PHACTR2: variants seen among roughly 807,000 people sequenced by gnomAD.
The protein encoded by PHACTR2 is chromosome 6 open reading frame 56.
In PHACTR2, 30 loss-of-function variants were observed where a neutral mutation model predicts 76.0. The ratio of observed to expected loss-of-function variants is 0.39; its 90% CI spans 0.30 to 0.54. PHACTR2 has a LOEUF of 0.54. Among genes scored for constraint, PHACTR2 ranks in the 20% least tolerant of loss-of-function variants. The probability of loss-of-function intolerance (pLI) is 0.61; values close to 1 mark genes in which losing one functional copy is unlikely to be tolerated. For synonymous variants in PHACTR2, 292 were observed against 292.5 expected, an observed-to-expected ratio of 1.00 and a Z score of 0.02; for missense variants, 696 against 781.1, an observed-to-expected ratio of 0.89 and a Z score of 1.30.
chr6:143,606,568 A>G (rs951538586), upstream of PHACTR2, among the ~76,000 whole-genome samples: 1 of 151,976 alleles, frequency 6.6e-6, no homozygotes, highest in Non-Finnish European at 1.5e-5. Context: ...CTTCTTAGCT[A>G]CTCCTTACCC....
chr6:143,692,401 T>C (rs1442316839), intron 1 of PHACTR2, among the ~76,000 whole-genome samples: 7 of 152,190 alleles, frequency 4.6e-5, no homozygotes, highest in Admixed American at 3.9e-4. Flanking sequence ...ATGCCGTGGG[T>C]TCCTGTTGGC....
In PHACTR2 at chr6:143,751,264, G is replaced by A. The variant is rs17521563; in HGVS notation, c.295+2199G>A. Among the ~76,000 whole-genome samples, 22,691 of 151,936 alleles carry A rather than the reference G, an allele frequency of 0.15. 1,770 individuals carry two copies. Among genetic ancestry groups the A allele is most frequent in the Middle Eastern group, 0.2 (60 of 294 alleles). Reference sequence around the variant, plus strand: ...ATCCCACCATATCCCATACTCTCCCGGCTATTGTTATTTTTCCTTTTAGGT... The same window carrying A: ...ATCCCACCATATCCCATACTCTCCCAGCTATTGTTATTTTTCCTTTTAGGT... On this transcript the variant is annotated intron_variant, in intron 3 of 12. Transcript: ENST00000440869. The surrounding 1 kb of genome is among the most constrained non-coding windows in gnomAD (Gnocchi z 5.7).
intron 2 of PHACTR2, among the ~76,000 whole-genome samples, chr6:143,717,734 G>A (rs774066771): frequency 9.9e-5 from 15 of 151,806 alleles, no homozygotes; most frequent in Non-Finnish European, 1.9e-4. Context: ...CACCACACTC[G>A]GCTAATTTTT....
rs968428618 is a variant in PHACTR2 at position 143,678,965 on chromosome 6, G to T, written c.46+756G>T. On this transcript the variant is annotated intron_variant, in intron 1 of 12. Transcript: ENST00000440869. The surrounding 1 kb of genome is among the most constrained non-coding windows in gnomAD (Gnocchi z 6.2). ...ATAAAAAAAAAAAAAACTGTTTGGT[G>T]GTGTTACTTGTGATTGGATAAGGAA... is the stretch of plus-strand genomic sequence containing the variant. Among the ~76,000 whole-genome samples, 4 of 151,592 alleles carry T rather than the reference G, an allele frequency of 2.6e-5. No individual in the cohort carries two copies. Among genetic ancestry groups the T allele is most frequent in the Admixed American group, 2.6e-4 (4 of 15,220 alleles).
chr6:143,762,745 T>C (rs1269297670), intron 5 of PHACTR2, among the ~76,000 whole-genome samples: 1 of 152,230 alleles, frequency 6.6e-6, no homozygotes, highest in Admixed American at 6.5e-5. Context: ...AGTGTAGACC[T>C]GTAGCTACCT....
rs913972411 is a variant in PHACTR2 at position 143,553,080 on chromosome 6, A to G, written c.217+15873A>G. On this transcript the variant is annotated intron_variant, in intron 1 of 11. Transcript: ENST00000367584. This position sits in a 1 kb window ranked among gnomAD's most constrained non-coding sequence, Gnocchi z 4.2. ...TTAAACATGCTTATCCCAGCCCAGA[A>G]GTGTGGCTGAGGGGCTAAAACCCAT... 2.0e-5 allele frequency among the ~76,000 whole-genome samples: 3 copies of G among 152,274 alleles called. No homozygotes were observed. The highest frequency in any genetic ancestry group is 2.9e-5 in the Non-Finnish European group (2 of 68,012).
intron 2 of PHACTR2, among the ~76,000 whole-genome samples, chr6:143,715,676 A>G (rs957600067): frequency 2.0e-5 from 3 of 152,168 alleles, no homozygotes; most frequent in Non-Finnish European, 4.4e-5. Flanking sequence ...ACAGGGAGTG[A>G]AGGAAGAGGG....
chr6:143,740,330 T>G (rs1282944252), intron 2 of PHACTR2, among the ~76,000 whole-genome samples: 1 of 151,962 alleles, frequency 6.6e-6, no homozygotes, highest in African/African-American at 2.4e-5. Flanking sequence ...AAGACCTGTA[T>G]CTTGTGTTGA....
Position 143,688,050 on chromosome 6 carries a change from G to A in PHACTR2, c.46+9841G>A, listed in dbSNP as rs1777560686. Among the ~76,000 whole-genome samples, 1 of 152,132 alleles carries A rather than the reference G, an allele frequency of 6.6e-6. No homozygotes were observed. The highest frequency in any genetic ancestry group is 1.5e-5 in the Non-Finnish European group (1 of 68,042). On this transcript the variant is annotated intron_variant, in intron 1 of 12. Transcript: ENST00000440869. The surrounding 1 kb of genome is among the most constrained non-coding windows in gnomAD (Gnocchi z 5.2). ...TGCAGAAATGAGAGTGGAAGGGAAG[G>A]GATATGTAGAGAATTGTAGGACTAG...
At chr6:143,666,156 C>T (rs1777030954) in intron 1 of PHACTR2, among the ~76,000 whole-genome samples, 1 of 152,000 alleles carries the variant, frequency 6.6e-6, no homozygotes, top group Non-Finnish European at 1.5e-5. Context: ...TGTGAATTTG[C>T]TGAGGATGAT....
intron 1 of PHACTR2, among the ~76,000 whole-genome samples, chr6:143,642,465 C>T (rs1425336030): frequency 2.0e-5 from 3 of 152,170 alleles, no homozygotes; most frequent in Non-Finnish European, 4.4e-5. Context: ...GAACTGCAGT[C>T]AGATGTAGTG....
At position 143,748,971 on chromosome 6, in the gene PHACTR2, G is replaced by C. The variant is rs774969209; in HGVS notation, c.215-14G>C. On this transcript the variant is annotated splice_polypyrimidine_tract_variant and intron_variant, in intron 2 of 12. Transcript: ENST00000440869. Reference sequence around the variant, plus strand: ...AATGACTTGATTCTTACTTGTGCTTGTTCTTTTTAAAAGTATTAGAAAGGA... The same window carrying C: ...AATGACTTGATTCTTACTTGTGCTTCTTCTTTTTAAAAGTATTAGAAAGGA... 1 of 1,361,360 alleles carries C rather than the reference G, an allele frequency of 7.3e-7. No homozygotes were observed. The highest frequency in any genetic ancestry group is 1.8e-5 in the Admixed American group (1 of 56,720). The allele number at this position is 1,361,360 out of a possible 1,614,324, so 84.3% of individuals were successfully genotyped here.
In PHACTR2 at chr6:143,616,430, A is replaced by C. The variant is rs551029724; in HGVS notation, c.13+8108A>C. 3.9e-5 allele frequency among the ~76,000 whole-genome samples: 6 copies of C among 152,164 alleles called. No individual in the cohort carries two copies. The highest frequency in any genetic ancestry group is 1.4e-4 in the African/African-American group (6 of 41,444). On this transcript the variant is annotated intron_variant, in intron 1 of 11. Coordinates refer to the PHACTR2 transcript ENST00000305766. The surrounding 1 kb of genome is among the most constrained non-coding windows in gnomAD (Gnocchi z 4.9). ...CTGTTATTTTCCATGTATCCTCTACATCTACCAGTCTGTTCCACGTCTGTT... is the reference window on the plus strand; with the variant it reads ...CTGTTATTTTCCATGTATCCTCTACCTCTACCAGTCTGTTCCACGTCTGTT...
rs1776167538 is a variant in PHACTR2 at position 143,811,213 on chromosome 6, G to A, written c.1922+4080G>A. Among the ~76,000 whole-genome samples, 1 of 151,940 alleles carries A rather than the reference G, an allele frequency of 6.6e-6. No individual in the cohort carries two copies. Among genetic ancestry groups the A allele is most frequent in the Non-Finnish European group, 1.5e-5 (1 of 67,980 alleles). On this transcript the variant is annotated intron_variant, in intron 12 of 12. Coordinates refer to ENST00000440869, the MANE Select transcript of PHACTR2 (RefSeq NM_001100164.2). This position sits in a 1 kb window ranked among gnomAD's most constrained non-coding sequence, Gnocchi z 4.1. Reference sequence around the variant, plus strand: ...CTCTCAATGCCACTTTTTTCCCTGTGGATGTGAAATTCTCTTTTAATATAC... The same window carrying A: ...CTCTCAATGCCACTTTTTTCCCTGTAGATGTGAAATTCTCTTTTAATATAC...
chr6:143,670,252 C>T (rs1777128805), intron 1 of PHACTR2, among the ~76,000 whole-genome samples: 1 of 152,138 alleles, frequency 6.6e-6, no homozygotes, highest in Admixed American at 6.5e-5. Context: ...GTAACCCAAC[C>T]TTTCTCTCTG....
intron 11 of PHACTR2, among the ~76,000 whole-genome samples, chr6:143,798,237 C>T (rs540626649): frequency 4.6e-5 from 7 of 152,260 alleles, no homozygotes; most frequent in African/African-American, 1.4e-4. Flanking sequence ...GTGATTTTTG[C>T]ACATTGATTT....
Position 143,760,365 on chromosome 6 carries a change from G to C in PHACTR2, c.455-36G>C. ...CCTTGTGTTTATATGGTGTGTGTCT[G>C]TATCAGTCTGCTTCTGTTCACTTTC... On this transcript the variant is annotated intron_variant, in intron 4 of 12. Coordinates refer to ENST00000440869, the MANE Select transcript of PHACTR2 (RefSeq NM_001100164.2). This position sits in a 1 kb window ranked among gnomAD's most constrained non-coding sequence, Gnocchi z 6.4. 6.4e-7 allele frequency: 1 copy of C among 1,570,324 alleles called. No individual in the cohort carries two copies. The highest frequency in any genetic ancestry group is 8.7e-7 in the Non-Finnish European group (1 of 1,155,952).
At chr6:143,702,324 G>A (rs1777933879) in intron 1 of PHACTR2, among the ~76,000 whole-genome samples, 1 of 151,970 alleles carries the variant, frequency 6.6e-6, no homozygotes, top group Non-Finnish European at 1.5e-5. Flanking sequence ...GGCCGGGATG[G>A]TCTCGATCTC....
intron 1 of PHACTR2, among the ~76,000 whole-genome samples, chr6:143,660,624 A>G (rs918403723): frequency 6.6e-6 from 1 of 152,190 alleles, no homozygotes; most frequent in Non-Finnish European, 1.5e-5. Flanking sequence ...CTGAGCACTT[A>G]CCCGTGCACT....
Sources: allele counts gnomAD v4.1 joint callset (sites outside exome capture counted in the v4.1 genomes callset), GRCh38; gene constraint gnomAD v4.1.1; non-coding constraint Gnocchi (gnomAD v3.1); transcripts MANE v1.5; gene names NCBI Gene and HGNC (gene_info 2026-07-23, HGNC 2026-07-21).